DCST1: variants seen among roughly 807,000 people sequenced by gnomAD.
DCST1 encodes the protein DC-STAMP domain containing 1, also known as E3 ubiquitin-protein ligase DCST1.
In DCST1, 78 loss-of-function variants were observed where a neutral mutation model predicts 89.1. That is an observed-to-expected ratio of 0.88 (90% confidence interval 0.73 to 1.06). DCST1 has a LOEUF of 1.06. DCST1 is among the 50% of genes least tolerant of loss of function. The probability of loss-of-function intolerance (pLI) is 0.00; values close to 1 mark genes in which losing one functional copy is unlikely to be tolerated. For missense variants in DCST1, 900 were observed against 928.6 expected, an observed-to-expected ratio of 0.97 and a Z score of 0.40; for synonymous variants, 364 against 371.9, an observed-to-expected ratio of 0.98 and a Z score of 0.24.
At chr1:155,034,759 A>G (rs749130221) in intron 4 of DCST1, 32 bp downstream of exon 4, 1 of 1,612,794 alleles carries the variant, frequency 6.2e-7, no homozygotes, top group Non-Finnish European at 8.5e-7. Flanking sequence ...GGAACACTCA[A>G]GCGGCCTGTG....
intron 13 of DCST1, among the ~76,000 whole-genome samples, chr1:155,046,813 T>C (rs936571832): frequency 2.0e-5 from 3 of 151,534 alleles, no homozygotes; most frequent in Non-Finnish European, 4.4e-5. Context: ...ACCATGTTGG[T>C]CAGGCTGGTC....
Position 155,047,237 on chromosome 1 carries a change from C to G in DCST1, c.1537C>G (p.Leu513Val). ...GGTGAAGGTCGGGGGAGACTCCATGCTAGCCCGGCTTCTTCGAAAAACCAT... is the reference window on the plus strand; with the variant it reads ...GGTGAAGGTCGGGGGAGACTCCATGGTAGCCCGGCTTCTTCGAAAAACCAT... ...LEVKVGGDSM[L>V]ARLLRKTIGA... Residue 513 changes from leucine to valine, a missense_variant, in exon 14 of 17, where the codon CTA (leucine) becomes GTA (valine). Physicochemically the swap from Leu to Val is conservative, Grantham distance 32 (BLOSUM62 1). Transcript: ENST00000295542. The G allele has an allele frequency of 6.2e-7, 1 of 1,614,216 alleles. No homozygotes were observed.
Position 155,050,685 on chromosome 1 carries a change from C to G in DCST1, c.1938C>G (p.Cys646Trp), listed in dbSNP as rs751904129. 22 of 1,603,712 alleles carry G rather than the reference C, an allele frequency of 1.4e-5. No individual in the cohort carries two copies. Among genetic ancestry groups the G allele is most frequent in the Admixed American group, 3.4e-5 (2 of 59,284 alleles). ...TGCGCCGCTGGCTGTGCCGGCGCTG[C>G]GTGGTGTGCCAGGCACCCGAGACGC... ...PLLRRWLCRRCVVCQAPETPE... is the reference protein window; with the variant it reads ...PLLRRWLCRRWVVCQAPETPE... Residue 646 changes from cysteine to tryptophan, a missense_variant, in exon 17 of 17, where the codon TGC (cysteine) becomes TGG (tryptophan). Physicochemically the swap from Cys to Trp is radical, Grantham distance 215. Coordinates refer to ENST00000295542, the MANE Select transcript of DCST1 (RefSeq NM_152494.4).
chr1:155,050,375 T>C (rs1037311111), intron 16 of DCST1, among the ~76,000 whole-genome samples: 2 of 152,192 alleles, frequency 1.3e-5, no homozygotes, highest in Non-Finnish European at 2.9e-5. Context: ...TACAGGAAAG[T>C]GCAAATGAGA....
At chr1:155,040,200 G>A (rs191693141) in intron 5 of DCST1, among the ~76,000 whole-genome samples, 3 of 151,244 alleles carry the variant, frequency 2.0e-5, no homozygotes, top group Admixed American at 1.3e-4. Context: ...CTGCTCAGGA[G>A]GCTGAGGCAG....
At chr1:155,046,300 A>G (rs903500624) in intron 12 of DCST1, 60 bp from the exon 13 acceptor site, 46 of 1,613,892 alleles carry the variant, frequency 2.9e-5, no homozygotes, top group Non-Finnish European at 3.9e-5. Flanking sequence ...GGCACCAGAG[A>G]GTGCTCCGTG....
chr1:155,045,727 G>C (rs550354611), intron 10 of DCST1, 166 bp from the exon 11 acceptor site: 3 of 634,086 alleles, frequency 4.7e-6, no homozygotes, highest in Non-Finnish European at 8.5e-6. Flanking sequence ...CAGGGACAGA[G>C]TCTTCTCCCT....
Position 155,045,807 on chromosome 1 carries a change from T to A in DCST1, c.1173-86T>A, listed in dbSNP as rs1660600325. 4.3e-6 allele frequency: 5 copies of A among 1,165,634 alleles called. No homozygotes were observed. In the Admixed American group the frequency reaches 8.6e-5, roughly 20 times the overall value. 72.2% of individuals were successfully genotyped at this position (1,165,634 alleles called of 1,614,324 possible). On this transcript the variant is annotated intron_variant, in intron 10 of 16. Transcript: ENST00000295542. ...AATGAATGCTGGCTGGTTGGTTGAA[T>A]GACTGTGCCTCAAGGAAGCCCATGT...
At chr1:155,039,617 A>G in intron 5 of DCST1, 86 bp downstream of exon 5, 2 of 1,438,508 alleles carry the variant, frequency 1.4e-6, no homozygotes, top group Non-Finnish European at 1.8e-6. Flanking sequence ...TGAAGGAGAA[A>G]AGACAGGAGT....
At chr1:155,049,522 C>G (rs142803678) in intron 16 of DCST1, among the ~76,000 whole-genome samples, 2,801 of 151,740 alleles carry the variant, frequency 0.018, 29 homozygotes, top group Non-Finnish European at 0.02. Flanking sequence ...TCAAGCGATT[C>G]TCGTGCCTCA....
chr1:155,050,518 G>T lies in DCST1; in HGVS notation c.1870-99G>T, dbSNP rs576137550. On this transcript the variant is annotated intron_variant, in intron 16 of 16. Coordinates refer to ENST00000295542, the MANE Select transcript of DCST1 (RefSeq NM_152494.4). ...CAACCCAGCCTCCTCCAACACGCGG[G>T]AATTGTCAGGCCTGGCGACTTCAGA... The T allele has an allele frequency of 9.1e-6, 13 of 1,427,018 alleles. No individual in the cohort carries two copies. In the Admixed American group the frequency reaches 1.8e-4, roughly 20 times the overall value. 88.4% of individuals were successfully genotyped at this position (1,427,018 alleles called of 1,614,324 possible).
chr1:155,039,332 G>T, intron 4 of DCST1, 71 bp from the exon 5 acceptor site: 1 of 1,450,082 alleles, frequency 6.9e-7, no homozygotes, highest in Non-Finnish European at 9.1e-7. Context: ...GCAGGTGGGT[G>T]CTCTGGTAAA....
intron 6 of DCST1, 147 bp from the exon 7 acceptor site, chr1:155,041,250 G>A: frequency 1.3e-6 from 1 of 771,278 alleles, no homozygotes; most frequent in Non-Finnish European, 2.1e-6. Flanking sequence ...GGAATTTGAG[G>A]TGAGAGGCTG....
At chr1:155,048,458 C>G (rs1358616858) in intron 16 of DCST1, among the ~76,000 whole-genome samples, 4 of 152,174 alleles carry the variant, frequency 2.6e-5, no homozygotes, top group Non-Finnish European at 4.4e-5. Flanking sequence ...GCCATCACGC[C>G]CAGCTATTTT....
intron 6 of DCST1, 86 bp from the exon 7 acceptor site, chr1:155,041,311 G>A (rs1420582898): frequency 1.5e-5 from 21 of 1,400,384 alleles, no homozygotes; most frequent in Non-Finnish European, 1.9e-5. Context: ...CCCAAAGCTT[G>A]GCTACTGGGG....
chr1:155,048,578 G>T lies in DCST1; in HGVS notation c.1869+408G>T, dbSNP rs1660739987. 2.6e-5 allele frequency among the ~76,000 whole-genome samples: 4 copies of T among 152,132 alleles called. No individual in the cohort carries two copies. In the South Asian group the frequency reaches 6.2e-4, roughly 24 times the overall value. On this transcript the variant is annotated intron_variant, in intron 16 of 16. Coordinates refer to ENST00000295542, the MANE Select transcript of DCST1 (RefSeq NM_152494.4). ...GCCTTCCAAAGTCCTAGGATTACAG[G>T]CGTGAGCCACCAAGCCCAGCCAAGC...
chr1:155,035,846 C>T (rs1660266535), intron 4 of DCST1, among the ~76,000 whole-genome samples: 1 of 152,008 alleles, frequency 6.6e-6, no homozygotes, highest in African/African-American at 2.4e-5. Context: ...AGGAGGCTTG[C>T]TTGAACCCAG....
intron 10 of DCST1, among the ~76,000 whole-genome samples, chr1:155,044,224 G>A (rs565747562): frequency 2.6e-5 from 4 of 152,328 alleles, no homozygotes; most frequent in South Asian, 2.1e-4. Context: ...GCTCACTCCT[G>A]TAATCCCAAC....
chr1:155,034,917 C>G (rs377329888), intron 4 of DCST1, 190 bp downstream of exon 4: 6 of 631,420 alleles, frequency 9.5e-6, no homozygotes, highest in Non-Finnish European at 1.7e-5. Context: ...AGACACCGTC[C>G]TTGCCCTGAG....
Sources: gnomAD v4.1 joint callset for allele counts (sites outside exome capture counted in the v4.1 genomes callset) on GRCh38, gnomAD v4.1.1 for gene constraint, MANE v1.5 for transcripts, NCBI Gene and HGNC (gene_info 2026-07-23, HGNC 2026-07-21) for gene names.